SP1: variants seen among roughly 807,000 people sequenced by gnomAD.
SP1 encodes the protein transcription factor Sp1.
Under a neutral mutation model 66.3 loss-of-function variants are expected in SP1, and 6 were observed. The observed-to-expected ratio is 0.09, with a 90% confidence interval of 0.05 to 0.18. The LOEUF (loss-of-function observed/expected upper bound fraction) is 0.18, where lower values mean the gene tolerates loss of function less well. SP1 is among the 10% of genes least tolerant of loss of function. SP1 has a pLI of 1.00. For missense variants in SP1, 848 were observed against 964.5 expected (o/e 0.88, Z 1.60); for synonymous variants, 417 against 360.8 (o/e 1.16, Z -1.77).
intron 4 of SP1, among the ~76,000 whole-genome samples, chr12:53,409,086 A>G (rs1592573442): frequency 7.2e-6 from 1 of 139,082 alleles, no homozygotes; most frequent in Non-Finnish European, 1.6e-5. Flanking sequence ...TTAGCTGGGC[A>G]TGGTGGTGTG....
At chr12:53,409,248 C>CA in intron 4 of SP1, 114 bp from the exon 5 acceptor site, 1 of 857,806 alleles carries the variant, frequency 1.2e-6, no homozygotes, top group Non-Finnish European at 1.8e-6. Context: ...AAGACTTTTT[C>CA]AAAAAATAAA....
chr12:53,411,246 G>A lies in SP1; in HGVS notation c.*6G>A. ...TCAGTGGCAATGGCTTCTGAGATCAGGCACCCGGGGCCAGAGACATATGGG... is the reference window on the plus strand; with the variant it reads ...TCAGTGGCAATGGCTTCTGAGATCAAGCACCCGGGGCCAGAGACATATGGG... On this transcript the variant is annotated 3_prime_UTR_variant, in exon 6 of 6. Transcript: ENST00000327443. 6.2e-7 allele frequency: 1 copy of A among 1,604,550 alleles called. No homozygotes were observed. The highest frequency in any genetic ancestry group is 8.5e-7 in the Non-Finnish European group (1 of 1,174,752).
chr12:53,384,319 C>T (rs1353515324), intron 3 of SP1, among the ~76,000 whole-genome samples: 5 of 149,536 alleles, frequency 3.3e-5, no homozygotes, highest in Non-Finnish European at 7.4e-5. Context: ...GAGTCTTACT[C>T]TGTTACCCAG....
At chr12:53,391,027 G>A (rs1187712950) in intron 3 of SP1, among the ~76,000 whole-genome samples, 1 of 152,116 alleles carries the variant, frequency 6.6e-6, no homozygotes, top group Non-Finnish European at 1.5e-5. Flanking sequence ...ACATCTGTAG[G>A]AAAGTTATTA....
At chr12:53,403,426 C>T (rs371706269) in intron 3 of SP1, among the ~76,000 whole-genome samples, 23 of 152,102 alleles carry the variant, frequency 1.5e-4, no homozygotes, top group African/African-American at 5.3e-4. Context: ...AATCAGGACT[C>T]ACTGCTGCCT....
At chr12:53,389,771 A>T (rs1204191109) in intron 3 of SP1, among the ~76,000 whole-genome samples, 4 of 152,078 alleles carry the variant, frequency 2.6e-5, no homozygotes, top group Admixed American at 2.6e-4. Context: ...CTCTTGCCGC[A>T]GGTTGACGGG....
At position 53,381,705 on chromosome 12, in the gene SP1, A is replaced by G. The variant is rs1565806127; in HGVS notation, c.54A>G (p.Glu18=). The G allele has an allele frequency of 1.9e-6, 3 of 1,613,964 alleles. No homozygotes were observed. The highest frequency in any genetic ancestry group is 2.5e-6 in the Non-Finnish European group (3 of 1,179,952). ...AAATGACAGCTGTGGTGAAAATTGA[A>G]AAAGGAGTTGGTGGCAATAATGGGG... is the stretch of plus-strand genomic sequence containing the variant. The part of the protein sequence containing the change: ...MDEMTAVVKI[E]KGVGGNNGGN... Residue 18 remains glutamate (E), a synonymous_variant, in exon 2 of 6, where the codon GAA becomes GAG. Transcript: ENST00000327443.
chr12:53,399,529 C>T lies in SP1; in HGVS notation c.1676-7056C>T, dbSNP rs910165367. 2.0e-5 allele frequency among the ~76,000 whole-genome samples: 3 copies of T among 152,134 alleles called. No homozygotes were observed. In the East Asian group the frequency reaches 5.8e-4, roughly 29 times the overall value. On this transcript the variant is annotated intron_variant, in intron 3 of 5. Transcript: ENST00000327443. ...TGTATTTTTAGTAGAGACCGGGTTT[C>T]CCCATGTTAGCCAGAATGGTCTCGA...
chr12:53,410,415 C>G (rs12298157), intron 5 of SP1, among the ~76,000 whole-genome samples: 1 of 152,198 alleles, frequency 6.6e-6, no homozygotes, highest in Non-Finnish European at 1.5e-5. Flanking sequence ...TTTAAAACTG[C>G]TAAGTTCTAC....
At chr12:53,404,486 G>T (rs1323017905) in intron 3 of SP1, among the ~76,000 whole-genome samples, 1 of 150,358 alleles carries the variant, frequency 6.7e-6, no homozygotes, top group East Asian at 2.0e-4. Context: ...AGGTTGCAAT[G>T]AGTCAAGATT....
At chr12:53,387,460 A>T (rs1389616527) in intron 3 of SP1, among the ~76,000 whole-genome samples, 1 of 152,176 alleles carries the variant, frequency 6.6e-6, no homozygotes, top group South Asian at 2.1e-4. Context: ...TAGAAATACT[A>T]CATGTTGAGC....
rs796337461 is a variant in SP1 at position 53,387,440 on chromosome 12, G to A, written c.1675+3818G>A. ...AAGTTCCCTGATTTCTTACATTCCTGTGGTGTGTTTAGAAATACTACATGT... is the reference window on the plus strand; with the variant it reads ...AAGTTCCCTGATTTCTTACATTCCTATGGTGTGTTTAGAAATACTACATGT... On this transcript the variant is annotated intron_variant, in intron 3 of 5. Coordinates refer to ENST00000327443, the MANE Select transcript of SP1 (RefSeq NM_138473.3). 2.6e-5 allele frequency among the ~76,000 whole-genome samples: 4 copies of A among 152,122 alleles called. No homozygotes were observed. In the South Asian group the frequency reaches 8.3e-4, roughly 31 times the overall value.
Position 53,411,065 on chromosome 12 carries a change from G to A in SP1, c.2183G>A (p.Ser728Asn). 1.2e-6 allele frequency: 2 copies of A among 1,614,212 alleles called. No individual in the cohort carries two copies. The highest frequency in any genetic ancestry group is 1.7e-6 in the Non-Finnish European group (2 of 1,180,014). Residue 728 changes from serine (S) to asparagine (N), a missense_variant, in exon 6 of 6, where the codon AGT becomes AAT. Physicochemically the swap from Ser to Asn is conservative, Grantham distance 46. Coordinates refer to ENST00000327443, the MANE Select transcript of SP1 (RefSeq NM_138473.3). ...AGTGTGGGCACTTTGCCCCTGGACAGTGGGGCAGGTTCAGAAGGCAGTGGC... is the reference window on the plus strand; with the variant it reads ...AGTGTGGGCACTTTGCCCCTGGACAATGGGGCAGGTTCAGAAGGCAGTGGC... ...ALSVGTLPLD[S>N]GAGSEGSGTA...
rs1485383140 is a variant in SP1 at position 53,415,417 on chromosome 12, AAG to A, written c.*4179_*4180del. 6.6e-6 allele frequency: 1 copy of A among 152,394 alleles called. No individual in the cohort carries two copies. Among genetic ancestry groups the A allele is most frequent in the Non-Finnish European group, 1.5e-5 (1 of 68,032 alleles). 9.4% of individuals were successfully genotyped at this position (152,394 alleles called of 1,614,324 possible). On this transcript the variant is annotated 3_prime_UTR_variant, in exon 6 of 6. Coordinates refer to ENST00000327443, the MANE Select transcript of SP1 (RefSeq NM_138473.3). ...CTTAGATCCAAGGCAGGGAAAGGAA[AAG>A]AAGGGGGGTCTCTGGCTTTATTACT...
intron 3 of SP1, among the ~76,000 whole-genome samples, chr12:53,384,638 C>T (rs1938185357): frequency 6.6e-6 from 1 of 152,118 alleles, no homozygotes; most frequent in Non-Finnish European, 1.5e-5. Context: ...AATGTAAAAC[C>T]ATTCTTAGCT....
In SP1 at chr12:53,412,867, C is replaced by G. The variant is rs555934765; in HGVS notation, c.*1627C>G. The G allele has an allele frequency of 6.6e-6, 1 of 152,640 alleles. No homozygotes were observed. The highest frequency in any genetic ancestry group is 2.1e-4 in the South Asian group (1 of 4,824). 9.5% of individuals were successfully genotyped at this position (152,640 alleles called of 1,614,324 possible). On this transcript the variant is annotated 3_prime_UTR_variant, in exon 6 of 6. Transcript: ENST00000327443. ...AGGCCCAGCCATAAAAGCATTGTCTCTCTCGACCTTCTGGTATCTTGTTAG... is the reference window on the plus strand; with the variant it reads ...AGGCCCAGCCATAAAAGCATTGTCTGTCTCGACCTTCTGGTATCTTGTTAG...
At chr12:53,397,645 G>A (rs1422569426) in intron 3 of SP1, among the ~76,000 whole-genome samples, 3 of 150,100 alleles carry the variant, frequency 2.0e-5, no homozygotes, top group Admixed American at 6.7e-5. Context: ...GAGTGCAGTG[G>A]CATGATCTCG....
At chr12:53,404,199 G>T (rs1420313950) in intron 3 of SP1, among the ~76,000 whole-genome samples, 1 of 151,336 alleles carries the variant, frequency 6.6e-6, no homozygotes, top group Non-Finnish European at 1.5e-5. Context: ...GAAGTCTTGA[G>T]AAGAATATTA....
Position 53,383,648 on chromosome 12 carries a change from A to G in SP1, c.1675+26A>G, listed in dbSNP as rs770705411. 9.6e-6 allele frequency: 15 copies of G among 1,563,142 alleles called. No individual in the cohort carries two copies. The African/African-American group carries it at 1.2e-4, about 13-fold the overall frequency. ...GTAAGATTTCCAATCTTGTGCATTT[A>G]TTGGGAACCAACTCTAGCATCGTAG... On this transcript the variant is annotated intron_variant, in intron 3 of 5. Transcript: ENST00000327443.
Sources: allele counts gnomAD v4.1 joint callset (sites outside exome capture counted in the v4.1 genomes callset), GRCh38; gene constraint gnomAD v4.1.1; transcripts MANE v1.5; gene names NCBI Gene and HGNC (gene_info 2026-07-23, HGNC 2026-07-21).